LPCAT2: variants seen among roughly 807,000 people sequenced by gnomAD.
LPCAT2 encodes the protein 1-AGP acyltransferase 11.
A neutral mutation model predicts 64.7 loss-of-function variants in LPCAT2; 58 were observed. The observed-to-expected ratio is 0.90, with a 90% confidence interval of 0.73 to 1.12. The LOEUF (loss-of-function observed/expected upper bound fraction) is 1.12, where lower values mean the gene tolerates loss of function less well. Among genes scored for constraint, LPCAT2 ranks in the 50% most tolerant of loss-of-function variants. The pLI, the probability that LPCAT2 is intolerant of heterozygous loss-of-function variation, is 0.00. For synonymous variants in LPCAT2, 252 were observed against 245.3 expected, an observed-to-expected ratio of 1.03 and a Z score of -0.26; for missense variants, 579 against 669.8, an observed-to-expected ratio of 0.86 and a Z score of 1.50.
At chr16:55,565,473 T>C (rs1436658337) in intron 11 of LPCAT2, among the ~76,000 whole-genome samples, 1 of 152,040 alleles carries the variant, frequency 6.6e-6, no homozygotes, top group Non-Finnish European at 1.5e-5. Flanking sequence ...AATGGGATAA[T>C]GGAAAAACAA....
Position 55,574,707 on chromosome 16 carries a change from A to G in LPCAT2, c.1292A>G (p.Glu431Gly). The G allele has an allele frequency of 1.2e-6, 2 of 1,613,476 alleles. No homozygotes were observed. The highest frequency in any genetic ancestry group is 2.7e-5 in the African/African-American group (2 of 74,990). The change falls in exon 12 of 14, where the codon GAG becomes GGG. Residue 431 changes from glutamate to glycine, a missense_variant. By Grantham distance (98) the Glu-to-Gly change is moderately conservative. Coordinates refer to ENST00000262134, the MANE Select transcript of LPCAT2 (RefSeq NM_017839.5). ...TTGTGCAACCCTTCCAACACAGAGG[A>G]GATCATCCAGGTGGCATTTAAGGTA... ...AVLCNPSNTEEIIQVAFKLFD... is the reference protein window; with the variant it reads ...AVLCNPSNTEGIIQVAFKLFD...
chr16:55,562,863 C>A (rs1045926692), intron 11 of LPCAT2, among the ~76,000 whole-genome samples: 24 of 151,818 alleles, frequency 1.6e-4, no homozygotes, highest in African/African-American at 5.6e-4. Context: ...CTTCCAATAA[C>A]CTCTGGAGGA....
At chr16:55,554,412 T>C (rs972908000) in intron 11 of LPCAT2, among the ~76,000 whole-genome samples, 7 of 152,238 alleles carry the variant, frequency 4.6e-5, no homozygotes, top group African/African-American at 1.7e-4. Context: ...CAACTTCTTT[T>C]CTTGAACCTC....
chr16:55,545,026 G>A (rs1446982878), intron 8 of LPCAT2, among the ~76,000 whole-genome samples: 1 of 152,116 alleles, frequency 6.6e-6, no homozygotes, highest in Admixed American at 6.6e-5. Flanking sequence ...ATCTTGCCTG[G>A]TATATAGTAG....
chr16:55,515,966 A>T (rs1230952433), intron 1 of LPCAT2, among the ~76,000 whole-genome samples: 1 of 152,266 alleles, frequency 6.6e-6, no homozygotes, highest in Non-Finnish European at 1.5e-5. Context: ...TACAGAAAAC[A>T]AATAGCAAAA....
At chr16:55,554,097 A>G (rs1273344255) in intron 11 of LPCAT2, among the ~76,000 whole-genome samples, 1 of 152,152 alleles carries the variant, frequency 6.6e-6, no homozygotes, top group Admixed American at 6.5e-5. Flanking sequence ...TAGAACACAG[A>G]CAGAGTAGAT....
chr16:55,510,433 C>T (rs1275532302), intron 1 of LPCAT2, among the ~76,000 whole-genome samples: 2 of 117,748 alleles, frequency 1.7e-5, no homozygotes, highest in African/African-American at 6.6e-5. Context: ...CCACATTTGT[C>T]CGTGTGTTCT....
intron 7 of LPCAT2, among the ~76,000 whole-genome samples, chr16:55,534,746 C>T (rs1158001865): frequency 6.6e-6 from 1 of 152,086 alleles, no homozygotes; most frequent in East Asian, 1.9e-4. Context: ...TTTGCTAGTT[C>T]GTAAGTGACC....
In LPCAT2 at chr16:55,585,730, TAA is replaced by T. The variant is rs1184499702; in HGVS notation, c.*2633_*2634del. 1.3e-5 allele frequency: 2 copies of T among 152,194 alleles called. No individual in the cohort carries two copies. The highest frequency in any genetic ancestry group is 2.4e-5 in the African/African-American group (1 of 41,456). 9.4% of individuals were successfully genotyped at this position (152,194 alleles called of 1,614,324 possible). On this transcript the variant is annotated 3_prime_UTR_variant, in exon 14 of 14. Coordinates refer to ENST00000262134, the MANE Select transcript of LPCAT2 (RefSeq NM_017839.5). The stretch of plus-strand genomic sequence containing the variant: ...CACTGCTTTTAGAGCCTTGGAAGGC[TAA>T]GTGTGATAGTAATGCTAGCTCTAAT...
At chr16:55,558,026 C>A (rs1234393311) in intron 11 of LPCAT2, among the ~76,000 whole-genome samples, 1 of 152,192 alleles carries the variant, frequency 6.6e-6, no homozygotes, top group Non-Finnish European at 1.5e-5. Flanking sequence ...AAAAAAGACC[C>A]TTTCCGTCTT....
intron 12 of LPCAT2, among the ~76,000 whole-genome samples, chr16:55,578,182 T>A (rs1963849136): frequency 6.6e-6 from 1 of 152,210 alleles, no homozygotes; most frequent in South Asian, 2.1e-4. Flanking sequence ...TTCCCAGGAC[T>A]TTGCTTTACT....
chr16:55,515,491 T>G lies in LPCAT2; in HGVS notation c.171+6139T>G, dbSNP rs1397209422. Among the ~76,000 whole-genome samples the G allele has an allele frequency of 3.3e-5, 5 of 151,988 alleles. 1 individual carries two copies. Among genetic ancestry groups the G allele is most frequent in the East Asian group, 1.9e-4 (1 of 5,164 alleles). On this transcript the variant is annotated intron_variant, in intron 1 of 13. Coordinates refer to ENST00000262134, the MANE Select transcript of LPCAT2 (RefSeq NM_017839.5). ...ATAAAGGGAGTCTCTCAGGCTGAAA[T>G]GAAAGGATACTAGACAGTAACTCAA...
Position 55,529,922 on chromosome 16 carries a change from C to T in LPCAT2, c.617C>T (p.Thr206Ile). The change falls in exon 4 of 14, where the codon ACA (threonine) becomes ATA (isoleucine). Residue 206 changes from threonine (T) to isoleucine (I), a missense_variant. Coordinates refer to ENST00000262134, the MANE Select transcript of LPCAT2 (RefSeq NM_017839.5). ...ACAATAAATGAAATAATAAAGCGAA[C>T]AACATCAGGAGGAGAATGGCCCCAG... Reference protein sequence around the residue: ...KNTINEIIKRTTSGGEWPQIL... With the variant: ...KNTINEIIKRITSGGEWPQIL... The T allele has an allele frequency of 6.2e-7, 1 of 1,610,942 alleles. No individual in the cohort carries two copies. Among genetic ancestry groups the T allele is most frequent in the Non-Finnish European group, 8.5e-7 (1 of 1,178,762 alleles).
rs2142432904 is a variant in LPCAT2 at position 55,586,580 on chromosome 16, TTTAAAA to T, written c.*3483_*3488del. ...ATTAAAATTCTCTGTGAATGTAAATTTTAAAAACTGTACCTACTGTTTTTTGGAAAT... is the reference window on the plus strand; with the variant it reads ...ATTAAAATTCTCTGTGAATGTAAATTACTGTACCTACTGTTTTTTGGAAAT... On this transcript the variant is annotated 3_prime_UTR_variant, in exon 14 of 14. Coordinates refer to ENST00000262134, the MANE Select transcript of LPCAT2 (RefSeq NM_017839.5). The T allele has an allele frequency of 7.8e-6, 1 of 127,668 alleles. No individual in the cohort carries two copies. The highest frequency in any genetic ancestry group is 3.2e-4 in the East Asian group (1 of 3,114). The allele number at this position is 127,668 out of a possible 1,614,324, so 7.9% of individuals were successfully genotyped here. A position where few individuals can be genotyped will look rare whatever the true frequency, so the allele number is the denominator to read the frequency against.
intron 1 of LPCAT2, among the ~76,000 whole-genome samples, chr16:55,519,310 C>T (rs1457033281): frequency 2.0e-5 from 3 of 150,884 alleles, no homozygotes; most frequent in African/African-American, 7.3e-5. Flanking sequence ...ACCATCTTGG[C>T]TAACATGGTG....
At chr16:55,516,780 A>G (rs1963018414) in intron 1 of LPCAT2, among the ~76,000 whole-genome samples, 1 of 152,212 alleles carries the variant, frequency 6.6e-6, no homozygotes, top group Non-Finnish European at 1.5e-5. Flanking sequence ...CACTATAAAC[A>G]GACTAGATCT....
Position 55,584,121 on chromosome 16 carries a change from C to T in LPCAT2, c.*1023C>T, listed in dbSNP as rs1963918898. The T allele has an allele frequency of 6.6e-6, 1 of 152,086 alleles. No individual in the cohort carries two copies. The highest frequency in any genetic ancestry group is 6.5e-5 in the Admixed American group (1 of 15,270). The allele number at this position is 152,086 out of a possible 1,614,324, so 9.4% of individuals were successfully genotyped here. On this transcript the variant is annotated 3_prime_UTR_variant, in exon 14 of 14. Coordinates refer to ENST00000262134, the MANE Select transcript of LPCAT2 (RefSeq NM_017839.5). ...CCTTATTGAAGGTAACATTGATTGCCTAATAAGAAAATGAATTGTTTGCCA... is the reference window on the plus strand; with the variant it reads ...CCTTATTGAAGGTAACATTGATTGCTTAATAAGAAAATGAATTGTTTGCCA...
chr16:55,540,343 G>A (rs1963380838), intron 8 of LPCAT2: 1 of 152,118 alleles, frequency 6.6e-6, no homozygotes, highest in African/African-American at 2.4e-5. Flanking sequence ...GAATTCTAAT[G>A]TGGCATAATG....
intron 11 of LPCAT2, among the ~76,000 whole-genome samples, chr16:55,564,039 T>C (rs1963665291): frequency 6.6e-6 from 1 of 151,854 alleles, no homozygotes; most frequent in East Asian, 1.9e-4. Context: ...CAAAAATCAG[T>C]TGCATTTTAT....
Sources: allele counts gnomAD v4.1 joint callset (sites outside exome capture counted in the v4.1 genomes callset), GRCh38; gene constraint gnomAD v4.1.1; transcripts MANE v1.5; gene names NCBI Gene and HGNC (gene_info 2026-07-23, HGNC 2026-07-21).